The following VEPH1 variants were observed in gnomAD, a reference collection of about 807,000 sequenced individuals.
VEPH1 encodes ventricular zone-expressed PH domain-containing protein homolog 1.
A neutral mutation model predicts 85.2 loss-of-function variants in VEPH1; 80 were observed. The ratio of observed to expected loss-of-function variants is 0.94; its 90% CI spans 0.78 to 1.13. The LOEUF (loss-of-function observed/expected upper bound fraction) is 1.13. VEPH1 is among the 50% of genes most tolerant of loss of function. The pLI is 0.00. For missense variants in VEPH1, 955 were observed against 980.5 expected, an observed-to-expected ratio of 0.97 and a Z score of 0.35; for synonymous variants, 297 against 348.0, an observed-to-expected ratio of 0.85 and a Z score of 1.63.
chr3:157,290,327 G>A (rs1310738189), intron 11 of VEPH1, among the ~76,000 whole-genome samples: 1 of 152,144 alleles, frequency 6.6e-6, no homozygotes, highest in African/African-American at 2.4e-5. Flanking sequence ...ACACAGCCTA[G>A]CCAATACCTT....
intron 5 of VEPH1, among the ~76,000 whole-genome samples, chr3:157,416,178 A>G (rs1731895436): frequency 1.3e-5 from 2 of 152,212 alleles, no homozygotes; most frequent in African/African-American, 4.8e-5. Flanking sequence ...ATATAGAGTG[A>G]CATCTGAATA....
At chr3:157,365,622 T>C (rs1432846308) in intron 7 of VEPH1, among the ~76,000 whole-genome samples, 1 of 152,092 alleles carries the variant, frequency 6.6e-6, no homozygotes, top group Non-Finnish European at 1.5e-5. Context: ...GCTACAAAGG[T>C]TCCTGCACCA....
Position 157,381,185 on chromosome 3 carries a change from T to G in VEPH1, c.1098A>C (p.Gln366His). ...CACTTCCAGCCTTGGTATTTTCCAG[T>G]TGTCGGGTAAGGAGTTTAGCAATGG... ...FTAIAKLLTR[Q>H]LENTKAGSGR... Residue 366 changes from glutamine to histidine, a missense_variant, in exon 7 of 14, where the codon CAA (glutamine) becomes CAC (histidine). Coordinates refer to ENST00000362010, the MANE Select transcript of VEPH1 (RefSeq NM_001167912.2). 6.2e-7 allele frequency: 1 copy of G among 1,613,850 alleles called. No homozygotes were observed. Among genetic ancestry groups the G allele is most frequent in the Non-Finnish European group, 8.5e-7 (1 of 1,179,994 alleles).
intron 5 of VEPH1, among the ~76,000 whole-genome samples, chr3:157,420,881 T>G (rs1278317246): frequency 1.3e-5 from 2 of 152,198 alleles, no homozygotes; most frequent in Non-Finnish European, 2.9e-5. Context: ...ACAACAGATA[T>G]GCTTATATGT....
intron 11 of VEPH1, among the ~76,000 whole-genome samples, chr3:157,287,754 A>G (rs1716966000): frequency 6.6e-6 from 1 of 151,924 alleles, no homozygotes. Flanking sequence ...TAGTAGAGAC[A>G]GGGTTATGCC....
intron 5 of VEPH1, among the ~76,000 whole-genome samples, chr3:157,426,378 CTA>C (rs1254945569): frequency 9.2e-5 from 14 of 152,144 alleles, no homozygotes; most frequent in African/African-American, 3.4e-4. Context: ...CCCCTAGCAC[CTA>C]TTTGGAGATG....
At position 157,381,231 on chromosome 3, in the gene VEPH1, C is replaced by A. The variant is rs759906036; in HGVS notation, c.1052G>T (p.Arg351Leu). 2 of 1,613,806 alleles carry A rather than the reference C, an allele frequency of 1.2e-6. No individual in the cohort carries two copies. The highest frequency in any genetic ancestry group is 2.2e-5 in the South Asian group (2 of 91,056). The change falls in exon 7 of 14, where the codon CGC (arginine) becomes CTC (leucine). Residue 351 changes from arginine to leucine, a missense_variant. Coordinates refer to ENST00000362010, the MANE Select transcript of VEPH1 (RefSeq NM_001167912.2). ...AATGGCGGTGAAGCTGTTGCTCATG[C>A]GGAAGATGTCTCTGCTCTGAGGGCC... ...ILGPQSRDIF[R>L]MSNSFTAIAK...
chr3:157,404,963 C>T (rs1455577111), intron 6 of VEPH1, among the ~76,000 whole-genome samples: 2 of 152,198 alleles, frequency 1.3e-5, no homozygotes. Context: ...GATTTGTTCA[C>T]TTGTTAGGCT....
chr3:157,439,198 G>A (rs1201162032), intron 4 of VEPH1, among the ~76,000 whole-genome samples: 2 of 152,082 alleles, frequency 1.3e-5, no homozygotes, highest in Admixed American at 6.5e-5. Context: ...CTTGTGTTTC[G>A]CAAACCACGT....
At chr3:157,487,295 A>G (rs1456952165) in intron 2 of VEPH1, among the ~76,000 whole-genome samples, 1 of 152,140 alleles carries the variant, frequency 6.6e-6, no homozygotes, top group Non-Finnish European at 1.5e-5. Flanking sequence ...GCTGCCAAAA[A>G]ATAATAATTC....
intron 9 of VEPH1, among the ~76,000 whole-genome samples, chr3:157,344,997 C>G (rs1437277468): frequency 1.3e-5 from 2 of 152,110 alleles, no homozygotes; most frequent in Non-Finnish European, 2.9e-5. Flanking sequence ...AAACTGGATC[C>G]CTTCCTTACA....
At chr3:157,386,808 T>C (rs1036551159) in intron 6 of VEPH1, among the ~76,000 whole-genome samples, 1 of 152,244 alleles carries the variant, frequency 6.6e-6, no homozygotes. Context: ...TCTTGGTTTG[T>C]GCCTAGGCAC....
intron 10 of VEPH1, 148 bp downstream of exon 10, chr3:157,316,914 A>C (rs1720810334): frequency 1.4e-6 from 1 of 726,164 alleles, no homozygotes; most frequent in South Asian, 5.5e-5. Flanking sequence ...AAAATATAAA[A>C]AACCGAGGTT....
At chr3:157,310,414 A>T (rs1341495510) in intron 11 of VEPH1, among the ~76,000 whole-genome samples, 1 of 152,212 alleles carries the variant, frequency 6.6e-6, no homozygotes, top group Non-Finnish European at 1.5e-5. Context: ...TACTAATATT[A>T]TCTCCACTGT....
At chr3:157,380,773 T>C (rs1239042862) in intron 7 of VEPH1, among the ~76,000 whole-genome samples, 7 of 152,226 alleles carry the variant, frequency 4.6e-5, no homozygotes, top group Admixed American at 4.6e-4. Flanking sequence ...GTGAGCTTCT[T>C]GAATACAAGA....
chr3:157,312,899 CATTTT>C (rs1720267550), intron 11 of VEPH1, among the ~76,000 whole-genome samples: 1 of 82,088 alleles, frequency 1.2e-5, no homozygotes, highest in Admixed American at 1.2e-4. Flanking sequence ...TAAAAAAAAA[CATTTT>C]TTTTTTTTTT....
chr3:157,280,117 G>T (rs959501061), intron 12 of VEPH1, among the ~76,000 whole-genome samples: 2 of 151,746 alleles, frequency 1.3e-5, no homozygotes, highest in African/African-American at 4.8e-5. Flanking sequence ...ACTTACATAG[G>T]TCAATACAAA....
chr3:157,279,570 G>A (rs1715820154), intron 12 of VEPH1, among the ~76,000 whole-genome samples: 1 of 152,118 alleles, frequency 6.6e-6, no homozygotes, highest in Non-Finnish European at 1.5e-5. Context: ...AGAAGCCAAT[G>A]GGAGGACTCA....
At chr3:157,287,740 T>G (rs1224901915) in intron 11 of VEPH1, among the ~76,000 whole-genome samples, 3 of 152,008 alleles carry the variant, frequency 2.0e-5, no homozygotes, top group Non-Finnish European at 4.4e-5. Flanking sequence ...AATTTTTGTA[T>G]ATCTAGTAGA....
Sources: gnomAD v4.1 joint callset for allele counts (sites outside exome capture counted in the v4.1 genomes callset) on GRCh38, gnomAD v4.1.1 for gene constraint, MANE v1.5 for transcripts, NCBI Gene and HGNC (gene_info 2026-07-23, HGNC 2026-07-21) for gene names.